The following CYB5R2 variants were observed in gnomAD, a reference collection of about 807,000 sequenced individuals.
CYB5R2 encodes cytochrome b5 reductase 2.
Under a neutral mutation model 29.8 loss-of-function variants are expected in CYB5R2, and 35 were observed. The ratio of observed to expected loss-of-function variants is 1.17; its 90% confidence interval spans 0.90 to 1.56. CYB5R2 has a LOEUF of 1.56. CYB5R2 is among the 40% of genes most tolerant of loss of function. CYB5R2 has a pLI of 0.00. For synonymous variants in CYB5R2, 169 were observed against 130.6 expected, an observed-to-expected ratio of 1.29 and a Z score of -2.01; for missense variants, 419 against 346.7, an observed-to-expected ratio of 1.21 and a Z score of -1.66.
At chr11:7,665,583 GCCAGGTGGAGTTCCTGATC>G in intron 8 of CYB5R2, 37 bp from the exon 9 acceptor site, 1 of 1,555,592 alleles carries the variant, frequency 6.4e-7, no homozygotes, top group South Asian at 1.3e-5. Flanking sequence ...GCTGAGCGAT[GCCAGGTGGAGTTCCTGATC>G]CCAGGCCGCC....
chr11:7,667,809 G>C lies in CYB5R2; in HGVS notation c.477C>G (p.Ile159Met). Residue 159 changes from isoleucine (I) to methionine (M), a missense_variant, in exon 7 of 9, where the codon ATC becomes ATG. By Grantham distance (10) the Ile-to-Met change is conservative. Coordinates refer to ENST00000299498, the MANE Select transcript of CYB5R2 (RefSeq NM_016229.5). Reference protein sequence around the residue: ...HLGMIAGGTGITPMLQLIRHI... With the variant: ...HLGMIAGGTGMTPMLQLIRHI... ...GGCGAATGAGCTGCAACATGGGTGTGATGCCTGGAACACAGTGAGCGAGCA... is the reference window on the plus strand; with the variant it reads ...GGCGAATGAGCTGCAACATGGGTGTCATGCCTGGAACACAGTGAGCGAGCA... The C allele has an allele frequency of 6.2e-7, 1 of 1,614,072 alleles. No individual in the cohort carries two copies. The highest frequency in any genetic ancestry group is 1.1e-5 in the South Asian group (1 of 91,076).
Position 7,665,444 on chromosome 11 carries a change from A to G in CYB5R2, c.761T>C (p.Leu254Pro), listed in dbSNP as rs1425700929. The G allele has an allele frequency of 5.6e-6, 9 of 1,613,494 alleles. No individual in the cohort carries two copies. Among genetic ancestry groups the G allele is most frequent in the African/African-American group, 1.3e-5 (1 of 74,910 alleles). The change falls in exon 9 of 9, where the codon CTA (leucine) becomes CCA (proline). Residue 254 changes from leucine (L) to proline (P), a missense_variant. Transcript: ENST00000299498. ...GTTAGGGTGAGCCGCCGTCTGGATT[A>G]GTGGTGGCGGGCCACACACCAGGAT... The part of the protein sequence containing the change: ...TLILVCGPPP[L>P]IQTAAHPNLE...
intron 7 of CYB5R2, 75 bp downstream of exon 7, chr11:7,667,653 T>C (rs1379018829): frequency 2.2e-6 from 3 of 1,362,134 alleles, no homozygotes; most frequent in Admixed American, 1.7e-5. Context: ...GCTCAGTCAA[T>C]GCAGGAGAAA....
chr11:7,669,376 A>G (rs1855578037), intron 4 of CYB5R2, 42 bp from the exon 5 acceptor site: 3 of 1,580,782 alleles, frequency 1.9e-6, no homozygotes, highest in Non-Finnish European at 2.6e-6. Context: ...CCCAGACACA[A>G]TGCCACAGCC....
At position 7,665,246 on chromosome 11, in the gene CYB5R2, G is replaced by C. The variant is rs964032930; in HGVS notation, c.*128C>G. On this transcript the variant is annotated 3_prime_UTR_variant, in exon 9 of 9. Coordinates refer to ENST00000299498, the MANE Select transcript of CYB5R2 (RefSeq NM_016229.5). ...TGTTAGGCCCACACCCAAAAGAGGA[G>C]AACCAGTGTGTGCGCGAAGGTACAT... is the stretch of plus-strand genomic sequence containing the variant. The C allele has an allele frequency of 1.3e-6, 1 of 798,196 alleles. No homozygotes were observed. The highest frequency in any genetic ancestry group is 1.9e-6 in the Non-Finnish European group (1 of 522,398). The allele number at this position is 798,196 out of a possible 1,614,324, so 49.4% of individuals were successfully genotyped here.
In CYB5R2 at chr11:7,665,371, G is replaced by GTGTT. The variant is rs16411; in HGVS notation, c.830_*2dup. 0.52 allele frequency: 803,697 copies of GTGTT among 1,533,698 alleles called. 214,762 individuals carry two copies. The highest frequency in any genetic ancestry group is 0.64 in the East Asian group (27,720 of 43,558). On this transcript the variant is annotated 3_prime_UTR_variant, in exon 9 of 9. Coordinates refer to ENST00000299498, the MANE Select transcript of CYB5R2 (RefSeq NM_016229.5). ...ATGCAAAATTGCTGAGCACGTGGAG[G>GTGTT]TGTTAGTAGGTGAAAATCATGTCCT...
chr11:7,668,919 A>G (rs1855538289), intron 5 of CYB5R2: 8 of 595,010 alleles, frequency 1.3e-5, no homozygotes, highest in South Asian at 1.3e-4. Flanking sequence ...CCCTCCATCC[A>G]TTTTTCAGTA....
intron 1 of CYB5R2, 168 bp downstream of exon 1, chr11:7,673,251 T>C: frequency 1.8e-6 from 1 of 550,886 alleles, no homozygotes; most frequent in Non-Finnish European, 2.5e-6. Context: ...TAACACACAA[T>C]CCGGAATGAG....
At chr11:7,672,637 CA>C in intron 2 of CYB5R2, 110 bp downstream of exon 2, 1 of 1,510,410 alleles carries the variant, frequency 6.6e-7, no homozygotes, top group South Asian at 1.2e-5. Context: ...CACACACACA[CA>C]CACAGGGCGG....
chr11:7,673,769 TCC>T (rs1486780726), upstream of CYB5R2: 18 of 986,872 alleles, frequency 1.8e-5, no homozygotes, highest in Admixed American at 6.1e-5. Context: ...CGGGGGCCGC[TCC>T]CCGCCGCGGG....
At chr11:7,672,980 A>C in intron 1 of CYB5R2, 89 bp from the exon 2 acceptor site, 2 of 1,253,232 alleles carry the variant, frequency 1.6e-6, no homozygotes, top group Non-Finnish European at 2.2e-6. Flanking sequence ...CCCCACACCA[A>C]AGGCACAGGA....
rs1290002446 is a variant in CYB5R2, at chr11:7,666,528, C to T, written c.581G>A (p.Arg194Lys). ...CCTGGCAATTTCTTCAAGCTCTTTT[C>T]TGACCAAGATATCCTCCTCTGTCTA... ...ANQTEEDILVRKELEEIARTH... is the reference protein window; with the variant it reads ...ANQTEEDILVKKELEEIARTH... The change falls in exon 8 of 9, where the codon AGA (arginine) becomes AAA (lysine). Residue 194 changes from arginine (R) to lysine (K), a missense_variant. Coordinates refer to ENST00000299498, the MANE Select transcript of CYB5R2 (RefSeq NM_016229.5). 1.2e-6 allele frequency: 2 copies of T among 1,613,530 alleles called. No homozygotes were observed. Among genetic ancestry groups the T allele is most frequent in the Admixed American group, 1.7e-5 (1 of 60,032 alleles).
chr11:7,673,383 C>G (rs1396555406), intron 1 of CYB5R2, 36 bp downstream of exon 1: 19 of 998,830 alleles, frequency 1.9e-5, no homozygotes, highest in Non-Finnish European at 2.3e-5. Flanking sequence ...CACTCAACTG[C>G]CAGAGACTCG....
rs78294480 is a variant in CYB5R2, at chr11:7,666,619, G to C, written c.559-69C>G. On this transcript the variant is annotated intron_variant, in intron 7 of 8. Transcript: ENST00000299498. ...TCTTGTTCCCTGGACTGACTACACCGGTCAGCATACTCCTGGCCAAAGCTG... is the reference window on the plus strand; with the variant it reads ...TCTTGTTCCCTGGACTGACTACACCCGTCAGCATACTCCTGGCCAAAGCTG... The C allele has an allele frequency of 6.9e-6, 8 of 1,167,498 alleles. No individual in the cohort carries two copies. In the East Asian group the frequency reaches 9.7e-5, roughly 14 times the overall value. 72.3% of individuals were successfully genotyped at this position (1,167,498 alleles called of 1,614,324 possible).
Position 7,668,486 on chromosome 11 carries a change from C to G in CYB5R2, c.464G>C (p.Gly155Ala). 1 of 1,613,846 alleles carries G rather than the reference C, an allele frequency of 6.2e-7. No homozygotes were observed. Among genetic ancestry groups the G allele is most frequent in the African/African-American group, 1.3e-5 (1 of 75,046 alleles). ...TLADHLGMIA[G>A]GTGITPMLQL... ...CCCTAGAAGCCTCTTACCTGTGCCC[C>G]CAGCAATCATTCCCAGGTGATCGGC... is the stretch of plus-strand genomic sequence containing the variant. Residue 155 changes from glycine to alanine, a missense_variant, in exon 6 of 9, where the codon GGG becomes GCG. By Grantham distance (60) the Gly-to-Ala change is moderately conservative. Coordinates refer to ENST00000299498, the MANE Select transcript of CYB5R2 (RefSeq NM_016229.5).
Position 7,673,468 on chromosome 11 carries a change from T to C in CYB5R2, c.-116A>G. 1 of 986,208 alleles carries C rather than the reference T, an allele frequency of 1.0e-6. No individual in the cohort carries two copies. The highest frequency in any genetic ancestry group is 1.2e-6 in the Non-Finnish European group (1 of 830,580). 61.1% of individuals were successfully genotyped at this position (986,208 alleles called of 1,614,324 possible). On this transcript the variant is annotated 5_prime_UTR_variant, in exon 1 of 9. Coordinates refer to ENST00000299498, the MANE Select transcript of CYB5R2 (RefSeq NM_016229.5). ...CCCAACTCAAGCCCGACAGGGAAAG[T>C]TGCCTCTCCTCCCGCCGGGTCACTG...
upstream of CYB5R2, chr11:7,673,745 G>A (rs1021223147): frequency 3.0e-6 from 3 of 985,346 alleles, no homozygotes; most frequent in Non-Finnish European, 2.4e-6. Context: ...ACACGTCGTC[G>A]AACTGGGGTT....
upstream of CYB5R2, chr11:7,673,796 G>A: frequency 1.0e-6 from 1 of 987,928 alleles, no homozygotes; most frequent in Non-Finnish European, 1.2e-6. Context: ...CAGACTCGTG[G>A]CGTCGCCCCG....
intron 7 of CYB5R2, chr11:7,666,993 T>C (rs1489910425): frequency 2.0e-5 from 3 of 153,148 alleles, no homozygotes; most frequent in Non-Finnish European, 2.9e-5. Flanking sequence ...GCACTGGATA[T>C]GTGAAGGAGA....
Sources: allele counts gnomAD v4.1 joint callset, GRCh38; gene constraint gnomAD v4.1.1; transcripts MANE v1.5; gene names NCBI Gene and HGNC (gene_info 2026-07-23, HGNC 2026-07-21).